The following TFDP2 variants were observed in gnomAD, a reference collection of about 807,000 sequenced individuals.
The protein encoded by TFDP2 is transcription factor Dp-2, also known as transcription factor Dp-2 (E2F dimerization partner 2).
A neutral mutation model predicts 59.3 loss-of-function variants in TFDP2; 17 were observed. The observed-to-expected ratio is 0.29, with a 90% CI of 0.20 to 0.43. The LOEUF (loss-of-function observed/expected upper bound fraction) is 0.43, where lower values mean the gene tolerates loss of function less well. TFDP2 is among the 20% of genes least tolerant of loss of function. The pLI is 1.00. For synonymous variants in TFDP2, 180 were observed against 194.7 expected (o/e 0.92, Z 0.63); for missense variants, 391 against 528.8 (o/e 0.74, Z 2.56).
chr3:141,994,527 A>G (rs1943080122), intron 5 of TFDP2: 2 of 152,190 alleles, frequency 1.3e-5, no homozygotes, highest in Admixed American at 6.5e-5. Flanking sequence ...AAAAGTGACA[A>G]ATTAGTAACA....
chr3:142,120,718 G>C (rs766663818), intron 1 of TFDP2, among the ~76,000 whole-genome samples: 2 of 152,182 alleles, frequency 1.3e-5, no homozygotes, highest in Non-Finnish European at 2.9e-5. Context: ...GACCATGGCA[G>C]CTGAAGGTGC....
At chr3:142,075,444 ATTTTG>A (rs1481975767) in intron 3 of TFDP2, among the ~76,000 whole-genome samples, 1 of 152,166 alleles carries the variant, frequency 6.6e-6, no homozygotes, top group African/African-American at 2.4e-5. Context: ...AGCCAATAAG[ATTTTG>A]TTTTTTCTGC....
chr3:141,985,572 T>TATGCTTCTG (rs1260491971), intron 6 of TFDP2, among the ~76,000 whole-genome samples: 2 of 149,460 alleles, frequency 1.3e-5, no homozygotes, highest in Non-Finnish European at 3.0e-5. Context: ...AGATTTTCTA[T>TATGCTTCTG]ATGCTTCTGG....
chr3:142,120,373 A>G lies in TFDP2; in HGVS notation c.-92-18532T>C, dbSNP rs138150640. 9.3e-4 allele frequency among the ~76,000 whole-genome samples: 141 copies of G among 152,310 alleles called. 1 individual carries two copies. Among genetic ancestry groups the G allele is most frequent in the African/African-American group, 3.3e-3 (139 of 41,558 alleles). ...CCAGACTACGTCTCAAAAAAAAGAA[A>G]AAAAGAAAGAAAACATATCAATGAT... On this transcript the variant is annotated intron_variant, in intron 1 of 12. Coordinates refer to ENST00000489671, the MANE Select transcript of TFDP2 (RefSeq NM_001178139.2).
Position 142,063,992 on chromosome 3 carries a change from C to T in TFDP2, c.82+29069G>A, listed in dbSNP as rs138415312. 2.4e-3 allele frequency among the ~76,000 whole-genome samples: 368 copies of T among 152,136 alleles called. 2 individuals are homozygous for T. The highest frequency in any genetic ancestry group is 8.4e-3 in the African/African-American group (349 of 41,488). ...GTTTTGAGACAGAGTCTTACTCTGT[C>T]GCCCAGGCTGGAGTGCAGTGGTGCA... is the stretch of plus-strand genomic sequence containing the variant. On this transcript the variant is annotated intron_variant, in intron 3 of 12. Transcript: ENST00000489671.
Position 142,107,255 on chromosome 3 carries a change from G to A in TFDP2, c.-92-5414C>T, listed in dbSNP as rs551255796. Among the ~76,000 whole-genome samples the A allele has an allele frequency of 5.4e-5, 8 of 147,170 alleles. No homozygotes were observed. The South Asian group carries it at 6.4e-4, about 12-fold the overall frequency. On this transcript the variant is annotated intron_variant, in intron 1 of 12. Coordinates refer to ENST00000489671, the MANE Select transcript of TFDP2 (RefSeq NM_001178139.2). ...CTTTTCTTTTTTTTTTTTTCGAGAC[G>A]GAGTCTTGCTCTGTCACCCAGGCTG... is the stretch of plus-strand genomic sequence containing the variant.
chr3:141,953,107 G>A, intron 11 of TFDP2, 91 bp from the exon 12 acceptor site: 1 of 859,324 alleles, frequency 1.2e-6, no homozygotes, highest in Non-Finnish European at 1.9e-6. Flanking sequence ...AAAAGCAAGA[G>A]CTAAGCTTAT....
chr3:141,978,027 TA>T (rs1164730579), intron 7 of TFDP2, among the ~76,000 whole-genome samples: 21 of 141,316 alleles, frequency 1.5e-4, no homozygotes, highest in Non-Finnish European at 2.8e-4. Flanking sequence ...TTTTAAATGT[TA>T]AAAAAAAACA....
At chr3:142,049,069 T>C (rs1329543114) in intron 3 of TFDP2, among the ~76,000 whole-genome samples, 1 of 152,186 alleles carries the variant, frequency 6.6e-6, no homozygotes, top group Non-Finnish European at 1.5e-5. Flanking sequence ...ATAAAAAGTG[T>C]TCATCCTCTG....
chr3:142,026,623 A>C (rs1946119168), intron 3 of TFDP2, among the ~76,000 whole-genome samples: 1 of 152,250 alleles, frequency 6.6e-6, no homozygotes, highest in African/African-American at 2.4e-5. Flanking sequence ...ATTTTTCAAG[A>C]GCAAACTTAA....
chr3:142,133,334 A>G (rs912028002), intron 1 of TFDP2, among the ~76,000 whole-genome samples: 1 of 149,904 alleles, frequency 6.7e-6, no homozygotes, highest in Non-Finnish European at 1.5e-5. Context: ...CTCCTGCCTC[A>G]GCCTCCTGGG....
intron 3 of TFDP2, among the ~76,000 whole-genome samples, chr3:142,030,530 C>A (rs540074806): frequency 6.6e-6 from 1 of 152,262 alleles, no homozygotes; most frequent in South Asian, 2.1e-4. Context: ...CCCCATCCTG[C>A]TTTGCACCAT....
At chr3:141,988,320 A>C (rs1942364713) in intron 6 of TFDP2, among the ~76,000 whole-genome samples, 1 of 152,158 alleles carries the variant, frequency 6.6e-6, no homozygotes, top group Non-Finnish European at 1.5e-5. Flanking sequence ...TACCATAATG[A>C]GTAGAGTTTA....
intron 3 of TFDP2, among the ~76,000 whole-genome samples, chr3:142,068,860 G>A (rs2060152457): frequency 6.6e-6 from 1 of 151,962 alleles, no homozygotes; most frequent in Non-Finnish European, 1.5e-5. Context: ...CGCCAGGCCT[G>A]TTCCTCACTT....
rs75316325 is a variant in TFDP2 at position 142,120,494 on chromosome 3, A to G, written c.-92-18653T>C. Among the ~76,000 whole-genome samples, 582 of 152,354 alleles carry G rather than the reference A, an allele frequency of 3.8e-3. 6 individuals are homozygous for G. The highest frequency in any genetic ancestry group is 0.013 in the African/African-American group (558 of 41,588). On this transcript the variant is annotated intron_variant, in intron 1 of 12. Transcript: ENST00000489671. ...ATCAAGGGATGCAATCATTAGTAATAAGCATGAACCCATAAATTAGATAAA... is the reference window on the plus strand; with the variant it reads ...ATCAAGGGATGCAATCATTAGTAATGAGCATGAACCCATAAATTAGATAAA...
At chr3:141,984,876 G>A (rs944188754) in intron 6 of TFDP2, among the ~76,000 whole-genome samples, 2 of 152,108 alleles carry the variant, frequency 1.3e-5, no homozygotes, top group African/African-American at 2.4e-5. Context: ...AGGGGGTCAT[G>A]TTTCTGAGCA....
intron 3 of TFDP2, among the ~76,000 whole-genome samples, chr3:142,090,210 C>G (rs76292404): frequency 0.012 from 1,864 of 152,232 alleles, 39 homozygotes; most frequent in African/African-American, 0.043. Context: ...TGCCTGTAGT[C>G]TCAGCTACTC....
intron 3 of TFDP2, among the ~76,000 whole-genome samples, chr3:142,029,945 T>C (rs1240492645): frequency 1.3e-5 from 2 of 152,240 alleles, no homozygotes; most frequent in Admixed American, 6.5e-5. Context: ...AAGGTACTTT[T>C]CCTTCGTTGA....
intron 3 of TFDP2, among the ~76,000 whole-genome samples, chr3:142,034,926 C>T (rs1168595221): frequency 6.6e-6 from 1 of 151,636 alleles, no homozygotes; most frequent in Non-Finnish European, 1.5e-5. Context: ...CAAGATGGTC[C>T]CGATCTCCTG....
Sources: allele counts gnomAD v4.1 joint callset (sites outside exome capture counted in the v4.1 genomes callset), GRCh38; gene constraint gnomAD v4.1.1; transcripts MANE v1.5; gene names NCBI Gene and HGNC (gene_info 2026-07-23, HGNC 2026-07-21).